ASB10: variants seen among roughly 807,000 people sequenced by gnomAD.
ASB10 encodes the protein ankyrin repeat and SOCS box protein 10.
In ASB10, 44 loss-of-function variants were observed where a neutral mutation model predicts 35.4. That is an observed-to-expected ratio of 1.24 (90% CI 0.98 to 1.60). The LOEUF is 1.60. ASB10 is among the 40% of genes most tolerant of loss of function. ASB10 has a pLI of 0.00. For missense variants in ASB10, 647 were observed against 634.3 expected (o/e 1.02, Z -0.22); for synonymous variants, 294 against 280.4 (o/e 1.05, Z -0.49).
intron 3 of ASB10, among the ~76,000 whole-genome samples, chr7:151,178,305 A>C (rs1209050570): frequency 1.2e-4 from 19 of 152,142 alleles, no homozygotes; most frequent in Admixed American, 1.2e-3. Context: ...GCACTGTCCT[A>C]GACGGAGTGG....
intron 3 of ASB10, among the ~76,000 whole-genome samples, chr7:151,180,278 G>A (rs1385856601): frequency 1.3e-5 from 2 of 152,236 alleles, no homozygotes; most frequent in Non-Finnish European, 2.9e-5. Context: ...CCTACTTAGG[G>A]GAAATTAAGA....
chr7:151,176,403 C>A (rs936188600), intron 4 of ASB10, 106 bp from the exon 5 acceptor site: 24 of 1,465,554 alleles, frequency 1.6e-5, no homozygotes, highest in Non-Finnish European at 5.4e-6. Flanking sequence ...CCGGAAGGAA[C>A]CTATTAGAAA....
In ASB10 at chr7:151,181,306, G is replaced by T. The variant is rs104886477; in HGVS notation, c.737C>A (p.Ala246Asp). ...RRGACPDARN[A>D]EGWTPLLAAC... is the part of the protein sequence containing the mutation. The stretch of plus-strand genomic sequence containing the variant: ...AGCCAGCAGTGGGGTCCAGCCTTCG[G>T]CATTGCGGGCATCAGGACATGCCCC... The change falls in exon 3 of 6, where the codon GCC (alanine) becomes GAC (aspartate). Residue 246 changes from alanine (A) to aspartate (D), a missense_variant. Ala to Asp is a moderately radical substitution (Grantham distance 126). Coordinates refer to ENST00000420175, the MANE Select transcript of ASB10 (RefSeq NM_001142459.2). The T allele has an allele frequency of 1.1e-5, 18 of 1,613,132 alleles. No individual in the cohort carries two copies. The African/African-American group carries it at 2.1e-4, about 19-fold the overall frequency.
At chr7:151,184,186 G>A (rs1257736328) in intron 2 of ASB10, among the ~76,000 whole-genome samples, 5 of 152,028 alleles carry the variant, frequency 3.3e-5, no homozygotes, top group African/African-American at 1.2e-4. Flanking sequence ...GGCCGAGGTG[G>A]GTGGATCACA....
intron 2 of ASB10, 146 bp from the exon 3 acceptor site, chr7:151,181,604 C>T (rs1054340225): frequency 6.5e-6 from 8 of 1,229,042 alleles, no homozygotes; most frequent in Non-Finnish European, 8.6e-6. Context: ...GCAAGATCAA[C>T]AGTGCCCTTC....
At chr7:151,177,073 T>C (rs946814268) in intron 3 of ASB10, among the ~76,000 whole-genome samples, 2 of 152,204 alleles carry the variant, frequency 1.3e-5, no homozygotes, top group African/African-American at 2.4e-5. Flanking sequence ...CCTCAGAAGC[T>C]CCAGAAGGAG....
In ASB10 at chr7:151,181,242, C is replaced by T. The variant is rs1387610162; in HGVS notation, c.801G>A (p.Glu267=). ...DVRCQSITDA[E]ATTARCLQLC... ...GCTGCAGGCAGCGGGCGGTGGTGGC[C>T]TCGGCATCGGTGATGGACTGGCAGC... is the stretch of plus-strand genomic sequence containing the variant. The change falls in exon 3 of 6, where the codon GAG becomes GAA. Residue 267 remains glutamate, a synonymous_variant. Transcript: ENST00000420175. 2 of 1,612,988 alleles carry T rather than the reference C, an allele frequency of 1.2e-6. No individual in the cohort carries two copies. The highest frequency in any genetic ancestry group is 1.7e-6 in the Non-Finnish European group (2 of 1,179,970).
chr7:151,185,112 C>CT (rs751001812), intron 2 of ASB10, among the ~76,000 whole-genome samples: 2,145 of 127,998 alleles, frequency 0.017, 76 homozygotes, highest in African/African-American at 0.046. Flanking sequence ...ACATATTTGT[C>CT]TTTTTTTTTT....
rs190424047 is a variant in ASB10 at position 151,177,086 on chromosome 7, A to G, written c.1105-410T>C. Among the ~76,000 whole-genome samples the G allele has an allele frequency of 6.7e-3, 1,017 of 152,370 alleles. 14 individuals are homozygous for G. Among genetic ancestry groups the G allele is most frequent in the African/African-American group, 0.023 (953 of 41,592 alleles). On this transcript the variant is annotated intron_variant, in intron 3 of 5. Coordinates refer to ENST00000420175, the MANE Select transcript of ASB10 (RefSeq NM_001142459.2). ...TCCCTCAGAAGCTCCAGAAGGAGCC[A>G]GCCCTGCCCACATATGCATTTCAAA...
upstream of ASB10, chr7:151,187,611 G>A: frequency 6.5e-7 from 1 of 1,543,254 alleles, no homozygotes. The surrounding 1 kb of genome is among the most constrained non-coding windows in gnomAD (Gnocchi z 5.3). Flanking sequence ...GATGGCCGAG[G>A]GGGCTCCCAG....
Position 151,176,667 on chromosome 7 carries a change from G to T in ASB10, c.1114C>A (p.Arg372Ser). Residue 372 changes from arginine to serine, a missense_variant, in exon 4 of 6, where the codon CGC (arginine) becomes AGC (serine). Transcript: ENST00000420175. ...ATGGTCCGAGGGCACGTGCTCCAGCGCTCCAGCACCTGTGGGAGGCAGAGG... is the reference window on the plus strand; with the variant it reads ...ATGGTCCGAGGGCACGTGCTCCAGCTCTCCAGCACCTGTGGGAGGCAGAGG... The part of the protein sequence containing the change: ...WPGALPKVLE[R>S]WSTCPRTIEV... The T allele has an allele frequency of 6.5e-7, 1 of 1,550,350 alleles. No homozygotes were observed. Among genetic ancestry groups the T allele is most frequent in the Non-Finnish European group, 8.7e-7 (1 of 1,146,094 alleles).
At chr7:151,187,356 C>A, upstream of ASB10, 1 of 1,534,740 alleles carries the variant, frequency 6.5e-7, no homozygotes, top group South Asian at 1.2e-5. This position sits in a 1 kb window ranked among gnomAD's most constrained non-coding sequence, Gnocchi z 5.3. Flanking sequence ...GAGAAACAGC[C>A]GGGGGCTTCT....
chr7:151,181,845 C>T (rs1348194916), intron 2 of ASB10, among the ~76,000 whole-genome samples: 1 of 152,148 alleles, frequency 6.6e-6, no homozygotes, highest in African/African-American at 2.4e-5. Flanking sequence ...AACTCCTGAC[C>T]TCAAGTGATC....
At chr7:151,187,473 G>A (rs188107926), upstream of ASB10, 255 of 1,551,270 alleles carry the variant, frequency 1.6e-4, 2 homozygotes, top group East Asian at 4.6e-3. This position sits in a 1 kb window ranked among gnomAD's most constrained non-coding sequence, Gnocchi z 5.3. Context: ...CTGCTCCAGC[G>A]AGGCTCTGCG....
At chr7:151,187,594 C>T (rs754227246), upstream of ASB10, 33 of 1,547,860 alleles carry the variant, frequency 2.1e-5, no homozygotes, top group Non-Finnish European at 2.8e-5. This position sits in a 1 kb window ranked among gnomAD's most constrained non-coding sequence, Gnocchi z 5.3. Context: ...CTTGGCAGAG[C>T]AGTGGTGATG....
chr7:151,187,697 G>A (rs1400898374), upstream of ASB10: 1 of 1,479,628 alleles, frequency 6.8e-7, no homozygotes. This position sits in a 1 kb window ranked among gnomAD's most constrained non-coding sequence, Gnocchi z 5.3. Flanking sequence ...TCCCCAGTGG[G>A]GAGAGGAGTT....
At chr7:151,176,346 C>T in intron 4 of ASB10, 49 bp from the exon 5 acceptor site, 2 of 1,513,006 alleles carry the variant, frequency 1.3e-6, no homozygotes, top group East Asian at 4.6e-5. Context: ...AGACAGGTAG[C>T]ACCGGCTCCT....
At chr7:151,187,703 G>C, upstream of ASB10, 1 of 1,476,200 alleles carries the variant, frequency 6.8e-7, no homozygotes, top group Non-Finnish European at 9.0e-7. The surrounding 1 kb of genome is among the most constrained non-coding windows in gnomAD (Gnocchi z 5.3). Flanking sequence ...GTGGGGAGAG[G>C]AGTTCTTTCC....
At position 151,181,153 on chromosome 7, in the gene ASB10, G is replaced by A. The variant is rs766614569; in HGVS notation, c.890C>T (p.Pro297Leu). ...GCCACGGCGGCAGGCCAGGTGCAGG[G>A]GTCGCTGCTTGTCCTGGTCCGCAGC... ...ADAADQDKQR[P>L]LHLACRRGHA... Residue 297 changes from proline to leucine, a missense_variant, in exon 3 of 6, where the codon CCC becomes CTC. By Grantham distance (98) the Pro-to-Leu change is moderately conservative. Transcript: ENST00000420175. The A allele has an allele frequency of 1.2e-6, 2 of 1,610,246 alleles. No homozygotes were observed. Among genetic ancestry groups the A allele is most frequent in the African/African-American group, 1.3e-5 (1 of 75,020 alleles).
Sources: allele counts gnomAD v4.1 joint callset (sites outside exome capture counted in the v4.1 genomes callset), GRCh38; gene constraint gnomAD v4.1.1; non-coding constraint Gnocchi (gnomAD v3.1); transcripts MANE v1.5; gene names NCBI Gene and HGNC (gene_info 2026-07-23, HGNC 2026-07-21).